The following NKAIN2 variants were observed in gnomAD, a reference collection of about 807,000 sequenced individuals.
NKAIN2 encodes sodium/potassium-transporting ATPase subunit beta-1-interacting protein 2.
Under a neutral mutation model 32.6 loss-of-function variants are expected in NKAIN2, and 14 were observed. That is an observed-to-expected ratio of 0.43 (90% confidence interval 0.28 to 0.67). The LOEUF is 0.67. Ranked by LOEUF, NKAIN2 falls within the 30% of genes least tolerant of loss-of-function variation. NKAIN2 has a pLI of 0.17. For missense variants in NKAIN2, 198 were observed against 258.3 expected, an observed-to-expected ratio of 0.77 and a Z score of 1.60; for synonymous variants, 80 against 87.2, an observed-to-expected ratio of 0.92 and a Z score of 0.46.
At chr6:124,229,533 TAGACAGAC>T (rs71021483) in intron 1 of NKAIN2, among the ~76,000 whole-genome samples, 3,911 of 149,074 alleles carry the variant, frequency 0.026, 136 homozygotes, top group African/African-American at 0.085. Context: ...GATAGATAGA[TAGACAGAC>T]AGACAGACAG....
intron 1 of NKAIN2, among the ~76,000 whole-genome samples, chr6:123,883,762 T>G (rs9401706): frequency 0.56 from 83,547 of 149,012 alleles, 23,730 homozygotes; most frequent in East Asian, 0.69. Flanking sequence ...AAAATTGGTG[T>G]CAGGCGCCTG....
At chr6:124,751,812 C>CAATCAATA (rs1554260922) in intron 4 of NKAIN2, among the ~76,000 whole-genome samples, 14 of 134,068 alleles carry the variant, frequency 1.0e-4, no homozygotes, top group African/African-American at 2.2e-4. Context: ...GACCCCATCT[C>CAATCAATA]AATAAATAAA....
chr6:124,174,193 T>G (rs1028486921), intron 1 of NKAIN2, among the ~76,000 whole-genome samples: 7 of 152,058 alleles, frequency 4.6e-5, no homozygotes, highest in Non-Finnish European at 7.4e-5. Context: ...TGAAACTTAC[T>G]TAAGAGAACT....
At chr6:123,853,317 A>AT (rs1775427074) in intron 1 of NKAIN2, among the ~76,000 whole-genome samples, 2 of 152,180 alleles carry the variant, frequency 1.3e-5, no homozygotes, top group African/African-American at 2.4e-5. Context: ...AGTGCAATGC[A>AT]TTTTCTATAC....
chr6:124,788,856 G>A (rs990059047), intron 4 of NKAIN2, among the ~76,000 whole-genome samples: 7 of 152,028 alleles, frequency 4.6e-5, no homozygotes, highest in Non-Finnish European at 7.4e-5. Flanking sequence ...CACTGGGGAG[G>A]TAAAATTAAA....
At chr6:123,815,936 G>T (rs74516362) in intron 1 of NKAIN2, among the ~76,000 whole-genome samples, 1 of 151,990 alleles carries the variant, frequency 6.6e-6, no homozygotes, top group Non-Finnish European at 1.5e-5. Context: ...TAGATATACC[G>T]TTAATATAGG....
chr6:123,976,697 A>G (rs1382473023), intron 1 of NKAIN2, among the ~76,000 whole-genome samples: 1 of 152,056 alleles, frequency 6.6e-6, no homozygotes, highest in Non-Finnish European at 1.5e-5. Context: ...AAAATTAACT[A>G]TCATGCATCA....
At chr6:124,162,030 G>A (rs183290015) in intron 1 of NKAIN2, among the ~76,000 whole-genome samples, 18 of 152,210 alleles carry the variant, frequency 1.2e-4, no homozygotes, top group Non-Finnish European at 2.5e-4. Flanking sequence ...AAGTTTGTTC[G>A]AATAGCTTTA....
intron 3 of NKAIN2, chr6:124,490,386 G>A (rs1163942558): frequency 2.3e-6 from 1 of 433,762 alleles, no homozygotes; most frequent in Non-Finnish European, 4.6e-6. Context: ...TCCCTCAAAG[G>A]AAACAGACCG....
intron 1 of NKAIN2, among the ~76,000 whole-genome samples, chr6:123,979,384 G>T (rs1327641339): frequency 6.6e-6 from 1 of 152,144 alleles, no homozygotes; most frequent in African/African-American, 2.4e-5. Context: ...CACAAACATT[G>T]TGTATTTCTG....
intron 1 of NKAIN2, among the ~76,000 whole-genome samples, chr6:123,840,114 A>G (rs937531664): frequency 3.3e-5 from 5 of 152,190 alleles, no homozygotes; most frequent in East Asian, 1.9e-4. Flanking sequence ...AACCTTTAGT[A>G]TTCATAAGTA....
chr6:124,798,023 T>C (rs1780081151), intron 5 of NKAIN2, among the ~76,000 whole-genome samples: 1 of 151,982 alleles, frequency 6.6e-6, no homozygotes, highest in Non-Finnish European at 1.5e-5. Context: ...CTTCCTTCCT[T>C]CCTCCCCTCT....
intron 4 of NKAIN2, among the ~76,000 whole-genome samples, chr6:124,759,526 T>A (rs895310881): frequency 1.1e-4 from 16 of 151,100 alleles, no homozygotes; most frequent in Admixed American, 7.9e-4. Context: ...TTTCTTTCGG[T>A]TTTTGTCCAC....
At chr6:123,980,950 A>G (rs1040076182) in intron 1 of NKAIN2, among the ~76,000 whole-genome samples, 1 of 151,238 alleles carries the variant, frequency 6.6e-6, no homozygotes, top group Non-Finnish European at 1.5e-5. Flanking sequence ...GCTCACTGCA[A>G]CCTCCACCTC....
At chr6:124,612,790 C>T (rs1434493483) in intron 3 of NKAIN2, among the ~76,000 whole-genome samples, 1 of 152,072 alleles carries the variant, frequency 6.6e-6, no homozygotes, top group Non-Finnish European at 1.5e-5. Context: ...TCTTAAAGAG[C>T]AAATAGTTTC....
chr6:124,327,866 G>A (rs900910677), intron 2 of NKAIN2, among the ~76,000 whole-genome samples: 9 of 152,120 alleles, frequency 5.9e-5, no homozygotes, highest in East Asian at 3.9e-4. Flanking sequence ...AAATATGATC[G>A]GAATTAAGAG....
chr6:124,620,040 C>T (rs1407918672), intron 3 of NKAIN2, among the ~76,000 whole-genome samples: 2 of 152,134 alleles, frequency 1.3e-5, no homozygotes, highest in Non-Finnish European at 2.9e-5. Context: ...TGTTTTAAAG[C>T]TACCTGGCTC....
intron 1 of NKAIN2, among the ~76,000 whole-genome samples, chr6:123,911,472 C>T (rs1282639616): frequency 6.6e-6 from 1 of 151,938 alleles, no homozygotes; most frequent in East Asian, 1.9e-4. Flanking sequence ...AGTGAGAACT[C>T]ACTCACTCCC....
intron 2 of NKAIN2, among the ~76,000 whole-genome samples, chr6:124,292,700 G>T (rs777355001): frequency 6.6e-6 from 1 of 151,936 alleles, no homozygotes; most frequent in Non-Finnish European, 1.5e-5. Context: ...TAAGAAAAAT[G>T]ATATTTATGG....
Sources: gnomAD v4.1 joint callset for allele counts (sites outside exome capture counted in the v4.1 genomes callset) on GRCh38, gnomAD v4.1.1 for gene constraint, MANE v1.5 for transcripts, NCBI Gene and HGNC (gene_info 2026-07-23, HGNC 2026-07-21) for gene names.